The following SON variants were observed in gnomAD, a reference collection of about 807,000 sequenced individuals.
SON encodes the protein SON DNA and RNA binding protein, also known as protein SON.
SON carries 4 observed loss-of-function variants against 173.3 expected under a neutral mutation model. The ratio of observed to expected loss-of-function variants is 0.02; its 90% CI spans 0.01 to 0.05. The LOEUF (loss-of-function observed/expected upper bound fraction) is 0.05, where lower values mean the gene tolerates loss of function less well. SON is among the 10% of genes least tolerant of loss of function. The pLI, the probability that SON is intolerant of heterozygous loss-of-function variation, is 1.00. For synonymous variants in SON, 1,190 were observed against 1,105.9 expected, an observed-to-expected ratio of 1.08 and a Z score of -1.51; for missense variants, 2,626 against 3,055.3, an observed-to-expected ratio of 0.86 and a Z score of 3.31.
In SON at chr21:33,557,268, G is replaced by C. The variant is rs948285342; in HGVS notation, c.6273G>C (p.Glu2091Asp). 2 of 1,613,552 alleles carry C rather than the reference G, an allele frequency of 1.2e-6. No individual in the cohort carries two copies. Among genetic ancestry groups the C allele is most frequent in the Non-Finnish European group, 1.7e-6 (2 of 1,179,956 alleles). Residue 2091 changes from glutamate (E) to aspartate (D), a missense_variant, in exon 4 of 12, where the codon GAG (glutamate) becomes GAC (aspartate). This residue lies in a region of SON where 19 missense variants were observed against 16.8 expected (regional missense o/e 1.13). Coordinates refer to ENST00000356577, the MANE Select transcript of SON (RefSeq NM_138927.4). ...LKPAPPPTIEEKVAKKSGGAT... is the reference protein window; with the variant it reads ...LKPAPPPTIEDKVAKKSGGAT... ...CTGCACCTCCACCTACTATAGAAGA[G>C]AAAGTTGCTAAAAAGTCAGGAGGAG...
chr21:33,573,193 G>T (rs1411452675), intron 8 of SON, 115 bp from the exon 9 acceptor site: 3 of 793,780 alleles, frequency 3.8e-6, no homozygotes, highest in Non-Finnish European at 6.1e-6. Flanking sequence ...ACATTTAATT[G>T]CTATAACAGA....
intron 9 of SON, among the ~76,000 whole-genome samples, chr21:33,574,178 C>A (rs1036094058): frequency 1.3e-5 from 2 of 152,224 alleles, no homozygotes. Flanking sequence ...TAAGTGGAAT[C>A]ATGAGAGGCT....
intron 2 of SON, chr21:33,546,971 TTCTTTTC>T (rs2085633183): frequency 6.6e-6 from 1 of 152,326 alleles, no homozygotes; most frequent in South Asian, 2.1e-4. Context: ...TCTTTTTCTT[TTCTTTTC>T]TTTTTTCTTT....
Position 33,552,521 on chromosome 21 carries a change from C to G in SON, c.3290C>G (p.Ser1097Cys), listed in dbSNP as rs754890954. ...GACCGGTCTATGATGTCGTCATACTCTGCTGCTGACCGGTCTATGATGTCA... is the reference window on the plus strand; with the variant it reads ...GACCGGTCTATGATGTCGTCATACTGTGCTGCTGACCGGTCTATGATGTCA... ...GADRSMMSSYSAADRSMMSSY... is the reference protein window; with the variant it reads ...GADRSMMSSYCAADRSMMSSY... The change falls in exon 3 of 12, where the codon TCT (serine) becomes TGT (cysteine). Residue 1097 changes from serine to cysteine, a missense_variant. Transcript: ENST00000356577. This position sits in a 1 kb window ranked among gnomAD's most constrained non-coding sequence, Gnocchi z 5.6. 4.3e-6 allele frequency: 7 copies of G among 1,614,088 alleles called. No individual in the cohort carries two copies. The highest frequency in any genetic ancestry group is 1.6e-4 in the Middle Eastern group (1 of 6,062).
chr21:33,572,314 A>G (rs2086303195), intron 8 of SON: 1 of 209,890 alleles, frequency 4.8e-6, no homozygotes, highest in Non-Finnish European at 1.0e-5. Context: ...CAACAGTACA[A>G]CTTAATACTG....
chr21:33,576,029 T>C, intron 11 of SON, 136 bp downstream of exon 11: 1 of 557,312 alleles, frequency 1.8e-6, no homozygotes, highest in South Asian at 2.9e-5. Flanking sequence ...TGGTGGGGTT[T>C]TTAAACACTG....
intron 2 of SON, chr21:33,546,861 C>T (rs2085628756): frequency 6.6e-6 from 1 of 152,266 alleles, no homozygotes; most frequent in Non-Finnish European, 1.5e-5. Flanking sequence ...AATTTTCCTT[C>T]CATACTTCCA....
intron 6 of SON, among the ~76,000 whole-genome samples, chr21:33,562,271 G>C (rs929776712): frequency 1.3e-5 from 2 of 152,148 alleles, no homozygotes; most frequent in African/African-American, 4.8e-5. Flanking sequence ...CACTTCGTGG[G>C]AGCATTAACC....
At chr21:33,563,112 A>G (rs971857054) in intron 6 of SON, among the ~76,000 whole-genome samples, 1 of 152,198 alleles carries the variant, frequency 6.6e-6, no homozygotes, top group Non-Finnish European at 1.5e-5. Flanking sequence ...TTAATTGGAA[A>G]TTAAACACAT....
At position 33,550,719 on chromosome 21, in the gene SON, G is replaced by A. The variant is rs771380863; in HGVS notation, c.1488G>A (p.Ala496=). ...TAAVELPEQP[A]VTVAMELTEQ... is the part of the protein sequence containing the mutation. Reference sequence around the variant, plus strand: ...CAGTAGAGTTGCCAGAGCAGCCTGCGGTAACAGTAGCAATGGAGTTGACCG... The same window carrying A: ...CAGTAGAGTTGCCAGAGCAGCCTGCAGTAACAGTAGCAATGGAGTTGACCG... Residue 496 remains alanine (A), a synonymous_variant, in exon 3 of 12, where the codon GCG becomes GCA. Transcript: ENST00000356577. 5.7e-5 allele frequency: 92 copies of A among 1,614,054 alleles called. 1 individual carries two copies. Among genetic ancestry groups the A allele is most frequent in the South Asian group, 4.4e-4 (40 of 91,088 alleles).
In SON at chr21:33,575,767, C is replaced by A. The variant is rs145502950; in HGVS notation, c.7106-11C>A. ...AAATAATTTAAAACTGGGTATTTCT[C>A]CCCCCTGCAGGCAAACATCCTGTGT... On this transcript the variant is annotated splice_polypyrimidine_tract_variant and intron_variant, in intron 10 of 11. Coordinates refer to ENST00000356577, the MANE Select transcript of SON (RefSeq NM_138927.4). 1.3e-6 allele frequency: 2 copies of A among 1,577,100 alleles called. No homozygotes were observed. The highest frequency in any genetic ancestry group is 1.3e-5 in the African/African-American group (1 of 74,074).
At chr21:33,568,853 T>C in intron 7 of SON, 118 bp from the exon 8 acceptor site, 2 of 614,668 alleles carry the variant, frequency 3.3e-6, no homozygotes, top group South Asian at 4.4e-5. Context: ...TAATGTTAAA[T>C]ATGTTTTAAA....
At chr21:33,546,893 A>ACTTG (rs1243893795) in intron 2 of SON, 1 of 152,296 alleles carries the variant, frequency 6.6e-6, no homozygotes, top group Non-Finnish European at 1.5e-5. Context: ...ACATTGATGT[A>ACTTG]CTTGTTTACT....
rs368918458 is a variant in SON at position 33,549,771 on chromosome 21, T to G, written c.540T>G (p.Asn180Lys). The G allele has an allele frequency of 7.4e-6, 12 of 1,614,074 alleles. No homozygotes were observed. The highest frequency in any genetic ancestry group is 1.0e-5 in the Non-Finnish European group (12 of 1,180,036). Residue 180 changes from asparagine (N) to lysine (K), a missense_variant, in exon 3 of 12, where the codon AAT (asparagine) becomes AAG (lysine). By Grantham distance (94) the Asn-to-Lys change is moderately conservative (BLOSUM62 0). This residue lies in a region of SON where 757 missense variants were observed against 730.1 expected (regional missense o/e 1.04). Coordinates refer to ENST00000356577, the MANE Select transcript of SON (RefSeq NM_138927.4). The part of the protein sequence containing the change: ...PTRAFGPSET[N>K]ESPAVVLEPP... Reference sequence around the variant, plus strand: ...GAGCATTTGGCCCATCTGAGACCAATGAATCCCCTGCAGTTGTGCTAGAAC... The same window carrying G: ...GAGCATTTGGCCCATCTGAGACCAAGGAATCCCCTGCAGTTGTGCTAGAAC...
intron 8 of SON, chr21:33,572,919 C>CT (rs2086318523): frequency 4.4e-6 from 1 of 229,006 alleles, no homozygotes; most frequent in South Asian, 5.0e-5. Context: ...TATTCATAAA[C>CT]TAGGTACACC....
chr21:33,576,843 G>C lies in SON; in HGVS notation c.*419G>C, dbSNP rs2086412058. On this transcript the variant is annotated 3_prime_UTR_variant, in exon 12 of 12. Coordinates refer to ENST00000356577, the MANE Select transcript of SON (RefSeq NM_138927.4). ...AGGCATCAGAGTAATCTTCAGTGTG[G>C]AATGTTAAATAACGCTTTTATACTG... 1 of 319,212 alleles carries C rather than the reference G, an allele frequency of 3.1e-6. No individual in the cohort carries two copies. Among genetic ancestry groups the C allele is most frequent in the African/African-American group, 2.1e-5 (1 of 46,606 alleles). The allele number at this position is 319,212 out of a possible 1,614,324, so 19.8% of individuals were successfully genotyped here. A position where few individuals can be genotyped will look rare whatever the true frequency, so the allele number is the denominator to read the frequency against.
intron 8 of SON, among the ~76,000 whole-genome samples, chr21:33,570,971 TTC>T (rs1235244892): frequency 6.0e-5 from 9 of 151,090 alleles, no homozygotes; most frequent in Admixed American, 2.7e-4. Flanking sequence ...CTAAAATAAT[TTC>T]TTCTGGTATT....
At chr21:33,572,360 G>C in intron 8 of SON, 1 of 289,152 alleles carries the variant, frequency 3.5e-6, no homozygotes, top group South Asian at 3.0e-5. Context: ...TTAATAAGAG[G>C]CATTGAATAT....
rs950970207 is a variant in SON, at chr21:33,549,843, T to A, written c.612T>A (p.Thr204=). ...MEVSEPHILE[T]LKPATKTAEL... The stretch of plus-strand genomic sequence containing the variant: ...TATCAGAGCCACACATCTTAGAAAC[T>A]CTGAAGCCAGCTACAAAAACTGCAG... Residue 204 remains threonine, a synonymous_variant, in exon 3 of 12, where the codon ACT becomes ACA. Coordinates refer to ENST00000356577, the MANE Select transcript of SON (RefSeq NM_138927.4). The A allele has an allele frequency of 6.2e-7, 1 of 1,614,218 alleles. No individual in the cohort carries two copies. The highest frequency in any genetic ancestry group is 8.5e-7 in the Non-Finnish European group (1 of 1,180,040).
Sources: gnomAD v4.1 joint callset for allele counts (sites outside exome capture counted in the v4.1 genomes callset) on GRCh38, gnomAD v4.1.1 for gene constraint, gnomAD v4.1.1 regional missense constraint, Gnocchi (gnomAD v3.1) non-coding constraint, MANE v1.5 for transcripts, NCBI Gene and HGNC (gene_info 2026-07-23, HGNC 2026-07-21) for gene names.